Variants in AKR1B1 observed in about 807,000 individuals in gnomAD.
AKR1B1 encodes the protein aldo-keto reductase family 1 member B1.
AKR1B1 carries 22 observed loss-of-function variants against 40.4 expected under a neutral mutation model. The ratio of observed to expected loss-of-function variants is 0.54; its 90% CI spans 0.39 to 0.78. AKR1B1 has a LOEUF of 0.78. Ranked by LOEUF, AKR1B1 falls within the 30% of genes least tolerant of loss-of-function variation. The probability of loss-of-function intolerance (pLI) is 0.00; values close to 1 mark genes in which losing one functional copy is unlikely to be tolerated. For synonymous variants in AKR1B1, 157 were observed against 149.9 expected (o/e 1.05, Z -0.35); for missense variants, 357 against 396.7 (o/e 0.90, Z 0.85).
intron 7 of AKR1B1, 175 bp from the exon 8 acceptor site, chr7:134,447,556 C>T (rs1225283919): frequency 7.3e-6 from 5 of 685,788 alleles, no homozygotes; most frequent in South Asian, 6.5e-5. Context: ...CATTCAGGTC[C>T]AGATCTGACT....
In AKR1B1 at chr7:134,450,853, T is replaced by C; in HGVS notation, c.284A>G (p.Lys95Arg). 1.2e-6 allele frequency: 2 copies of C among 1,614,158 alleles called. No homozygotes were observed. The highest frequency in any genetic ancestry group is 1.7e-6 in the Non-Finnish European group (2 of 1,180,024). ...GTCCAGCTTCAGGTCGCTGAGTGTC[T>C]TCTGGCAGGCTCCTTTCACCAGGCC... ...EKGLVKGACQ[K>R]TLSDLKLDYL... The change falls in exon 3 of 10, where the codon AAG (lysine) becomes AGG (arginine). Residue 95 changes from lysine (K) to arginine (R), a missense_variant. Lys to Arg is a conservative substitution (Grantham distance 26). Transcript: ENST00000285930.
At chr7:134,451,240 A>G (rs1806278350) in intron 2 of AKR1B1, 1 of 524,490 alleles carries the variant, frequency 1.9e-6, no homozygotes, top group South Asian at 2.0e-5. Flanking sequence ...TTTGTGCATC[A>G]GTATCTCAGG....
At chr7:134,445,909 A>G (rs1806078623) in intron 8 of AKR1B1, among the ~76,000 whole-genome samples, 1 of 152,258 alleles carries the variant, frequency 6.6e-6, no homozygotes. Context: ...TACAGAACTC[A>G]GCTGGCATGG....
At chr7:134,445,991 G>A (rs1806082798) in intron 8 of AKR1B1, among the ~76,000 whole-genome samples, 1 of 152,260 alleles carries the variant, frequency 6.6e-6, no homozygotes, top group South Asian at 2.1e-4. Context: ...CACTCCCAGA[G>A]CCGAAGGGCT....
chr7:134,445,573 C>T (rs940798144), intron 8 of AKR1B1, among the ~76,000 whole-genome samples: 4 of 152,202 alleles, frequency 2.6e-5, no homozygotes, highest in Non-Finnish European at 5.9e-5. Flanking sequence ...TTTCAAAAAA[C>T]ACTACTGAGC....
At chr7:134,449,318 G>T (rs1806207246) in intron 4 of AKR1B1, 199 bp from the exon 5 acceptor site, 2 of 717,306 alleles carry the variant, frequency 2.8e-6, no homozygotes, top group East Asian at 2.8e-5. Flanking sequence ...CGGGCGCGGT[G>T]GCTCACGCCT....
chr7:134,451,503 T>C (rs998588559), intron 2 of AKR1B1, 83 bp downstream of exon 2: 13 of 1,508,404 alleles, frequency 8.6e-6, no homozygotes, highest in African/African-American at 1.4e-5. Flanking sequence ...TGTAGCTGTA[T>C]TGAGTGTGGA....
chr7:134,445,193 C>G (rs1806056743), intron 9 of AKR1B1, 45 bp downstream of exon 9: 1 of 1,530,518 alleles, frequency 6.5e-7, no homozygotes, highest in African/African-American at 1.4e-5. Context: ...TGTGCAGCAT[C>G]TGAATATCTC....
intron 1 of AKR1B1, among the ~76,000 whole-genome samples, chr7:134,456,037 G>A (rs918841623): frequency 4.6e-5 from 7 of 152,172 alleles, no homozygotes; most frequent in African/African-American, 1.7e-4. Flanking sequence ...CTGAGGGTCT[G>A]AAAGGTACAA....
At chr7:134,446,801 A>C (rs113158992) in intron 8 of AKR1B1, among the ~76,000 whole-genome samples, 40 of 152,388 alleles carry the variant, frequency 2.6e-4, no homozygotes, top group African/African-American at 7.9e-4. Flanking sequence ...ACTTATCAGC[A>C]CAGCAACATT....
At chr7:134,448,315 CTGAAT>C (rs1341339768) in intron 6 of AKR1B1, 67 bp downstream of exon 6, 2 of 1,358,538 alleles carry the variant, frequency 1.5e-6, no homozygotes, top group African/African-American at 1.4e-5. Context: ...TTCCTTGAGG[CTGAAT>C]TGTTCTTTTT....
chr7:134,456,360 G>A (rs978190996), intron 1 of AKR1B1, among the ~76,000 whole-genome samples: 5 of 151,690 alleles, frequency 3.3e-5, no homozygotes, highest in East Asian at 1.9e-4. Context: ...CCACGATGCC[G>A]GGCTAATTTT....
At chr7:134,447,126 G>A (rs895042696) in intron 8 of AKR1B1, among the ~76,000 whole-genome samples, 172 bp downstream of exon 8, 82 of 152,314 alleles carry the variant, frequency 5.4e-4, no homozygotes, top group Middle Eastern at 3.4e-3. Flanking sequence ...CCCTGCACAC[G>A]GCTCCACTGG....
chr7:134,456,678 G>A (rs1243279992), intron 1 of AKR1B1, among the ~76,000 whole-genome samples: 2 of 152,038 alleles, frequency 1.3e-5, no homozygotes, highest in African/African-American at 2.4e-5. Flanking sequence ...CTCTAAAGTC[G>A]TTTTACTTCT....
In AKR1B1 at chr7:134,442,442, C is replaced by T. The variant is rs1240482231; in HGVS notation, c.*286G>A. ...GCAGTCAAAACTCAACCGTTAGTGG[C>T]ACTATTTTGACCTGGTAGATTTTGC... On this transcript the variant is annotated 3_prime_UTR_variant, in exon 10 of 10. Coordinates refer to ENST00000285930, the MANE Select transcript of AKR1B1 (RefSeq NM_001628.4). 3.0e-6 allele frequency: 1 copy of T among 334,314 alleles called. No homozygotes were observed. Among genetic ancestry groups the T allele is most frequent in the Non-Finnish European group, 5.5e-6 (1 of 181,494 alleles). 20.7% of individuals were successfully genotyped at this position (334,314 alleles called of 1,614,324 possible). A position where few individuals can be genotyped will look rare whatever the true frequency, so the allele number is the denominator to read the frequency against.
intron 8 of AKR1B1, among the ~76,000 whole-genome samples, chr7:134,446,489 A>G (rs1356501461): frequency 6.6e-6 from 1 of 152,230 alleles, no homozygotes; most frequent in East Asian, 1.9e-4. Context: ...TCTTGGATAA[A>G]GACAGAGCAT....
At chr7:134,457,172 C>T (rs910919399) in intron 1 of AKR1B1, among the ~76,000 whole-genome samples, 1 of 152,016 alleles carries the variant, frequency 6.6e-6, no homozygotes, top group Non-Finnish European at 1.5e-5. Context: ...CTTATTTACC[C>T]TAGAGTAGTG....
At chr7:134,446,595 C>A (rs1419210971) in intron 8 of AKR1B1, among the ~76,000 whole-genome samples, 1 of 152,142 alleles carries the variant, frequency 6.6e-6, no homozygotes, top group Non-Finnish European at 1.5e-5. Flanking sequence ...CCCCCCTCCC[C>A]CACACCCCCG....
At chr7:134,453,834 A>C (rs1806368543) in intron 1 of AKR1B1, among the ~76,000 whole-genome samples, 1 of 152,164 alleles carries the variant, frequency 6.6e-6, no homozygotes, top group Admixed American at 6.5e-5. Flanking sequence ...TTCTATGTTA[A>C]TGATCTCAAT....
Sources: gnomAD v4.1 joint callset for allele counts (sites outside exome capture counted in the v4.1 genomes callset) on GRCh38, gnomAD v4.1.1 for gene constraint, MANE v1.5 for transcripts, NCBI Gene and HGNC (gene_info 2026-07-23, HGNC 2026-07-21) for gene names.